Variants in ADCY5 observed in about 807,000 individuals in gnomAD.
The protein encoded by ADCY5 is adenylate cyclase 5, also known as adenylate cyclase type 5.
ADCY5 carries 30 observed loss-of-function variants against 119.7 expected under a neutral mutation model. The ratio of observed to expected loss-of-function variants is 0.25; its 90% CI spans 0.19 to 0.34. The LOEUF (loss-of-function observed/expected upper bound fraction) is 0.34, where lower values mean the gene tolerates loss of function less well. Among genes scored for constraint, ADCY5 ranks in the 10% least tolerant of loss-of-function variants. The pLI, the probability that ADCY5 is intolerant of heterozygous loss-of-function variation, is 1.00. For missense variants in ADCY5, 1,324 were observed against 1,775.2 expected, an observed-to-expected ratio of 0.75 and a Z score of 4.57; for synonymous variants, 753 against 762.2, an observed-to-expected ratio of 0.99 and a Z score of 0.20.
intron 1 of ADCY5, among the ~76,000 whole-genome samples, chr3:123,398,320 C>T (rs1232656479): frequency 6.6e-6 from 1 of 152,104 alleles, no homozygotes; most frequent in Non-Finnish European, 1.5e-5. Context: ...TGAGGGTGCC[C>T]CAACTCGAAC....
intron 1 of ADCY5, among the ~76,000 whole-genome samples, chr3:123,435,851 T>TTTTTTATTA (rs1482102548): frequency 7.9e-5 from 10 of 125,876 alleles, no homozygotes; most frequent in African/African-American, 3.0e-4. Flanking sequence ...CAAGAGCCCT[T>TTTTTTATTA]TTATTATTAT....
At chr3:123,343,185 G>T (rs1942369553) in intron 3 of ADCY5, among the ~76,000 whole-genome samples, 2 of 152,236 alleles carry the variant, frequency 1.3e-5, no homozygotes, top group South Asian at 4.1e-4. Context: ...TCATTGCTTA[G>T]TGTCTTCTCT....
chr3:123,384,598 A>G (rs998459381), intron 1 of ADCY5, among the ~76,000 whole-genome samples: 2 of 152,224 alleles, frequency 1.3e-5, no homozygotes, highest in African/African-American at 4.8e-5. Flanking sequence ...TGACCCCAGA[A>G]CCAAGCTCCA....
intron 19 of ADCY5, among the ~76,000 whole-genome samples, chr3:123,287,520 C>T (rs927613778): frequency 2.0e-5 from 3 of 152,176 alleles, no homozygotes; most frequent in East Asian, 1.9e-4. Context: ...TGTAACCTGC[C>T]GGTCTCGTAC....
intron 1 of ADCY5, chr3:123,416,357 T>A (rs762300316): frequency 2.6e-5 from 40 of 1,517,370 alleles, no homozygotes; most frequent in South Asian, 7.4e-5. Context: ...GAACATTTTG[T>A]CCCCTTGTCT....
At chr3:123,300,818 G>A (rs1939805251) in intron 14 of ADCY5, among the ~76,000 whole-genome samples, 1 of 152,216 alleles carries the variant, frequency 6.6e-6, no homozygotes, top group Non-Finnish European at 1.5e-5. Flanking sequence ...TGCTCTGGTG[G>A]CAAAAGCTGA....
chr3:123,372,222 C>G (rs1943667662), intron 1 of ADCY5, among the ~76,000 whole-genome samples: 2 of 152,146 alleles, frequency 1.3e-5, no homozygotes, highest in African/African-American at 4.8e-5. Context: ...GTAATCCTAG[C>G]TGCCAAAGGA....
chr3:123,380,029 C>G (rs965194147), intron 1 of ADCY5, among the ~76,000 whole-genome samples: 1 of 152,150 alleles, frequency 6.6e-6, no homozygotes, highest in Non-Finnish European at 1.5e-5. Context: ...CCAGACATCT[C>G]TAGGTCTGAT....
chr3:123,342,502 G>A (rs185869961), intron 3 of ADCY5, among the ~76,000 whole-genome samples: 8 of 152,232 alleles, frequency 5.3e-5, no homozygotes, highest in Non-Finnish European at 8.8e-5. Context: ...CCCCTCTGCC[G>A]GGACCCTGGC....
intron 1 of ADCY5, among the ~76,000 whole-genome samples, chr3:123,390,777 G>A (rs1033471118): frequency 2.0e-5 from 3 of 152,302 alleles, no homozygotes; most frequent in South Asian, 2.1e-4. Flanking sequence ...CCTGGGAATG[G>A]ACTCAGCTCC....
chr3:123,358,533 G>C (rs1943125863), intron 1 of ADCY5, among the ~76,000 whole-genome samples: 1 of 152,196 alleles, frequency 6.6e-6, no homozygotes, highest in Non-Finnish European at 1.5e-5. Flanking sequence ...CCAGGAGATA[G>C]AGGCTGCAGT....
intron 1 of ADCY5, among the ~76,000 whole-genome samples, chr3:123,379,813 C>A (rs923096487): frequency 6.6e-6 from 1 of 152,132 alleles, no homozygotes; most frequent in African/African-American, 2.4e-5. Context: ...CAGACTCCAG[C>A]CTAAAAAGGC....
chr3:123,296,362 G>T, intron 16 of ADCY5, 146 bp from the exon 17 acceptor site: 2 of 963,754 alleles, frequency 2.1e-6, no homozygotes, highest in Non-Finnish European at 3.0e-6. Flanking sequence ...AAACTTTGCC[G>T]CACGCGTGCC....
At chr3:123,407,623 C>A (rs1287596882) in intron 1 of ADCY5, among the ~76,000 whole-genome samples, 1 of 143,580 alleles carries the variant, frequency 7.0e-6, no homozygotes, top group Non-Finnish European at 1.5e-5. Context: ...TAGCTGGGCA[C>A]GGTGGTATGC....
Position 123,284,540 on chromosome 3 carries a change from C to T in ADCY5, c.*68G>A, listed in dbSNP as rs1026874006. On this transcript the variant is annotated 3_prime_UTR_variant, in exon 21 of 21. Coordinates refer to ENST00000462833, the MANE Select transcript of ADCY5 (RefSeq NM_183357.3). The stretch of plus-strand genomic sequence containing the variant: ...TGGAGCATGGCTTCCCCGCCACCCC[C>T]GGCACACAGAGAAGCTGCTTCCATG... The T allele has an allele frequency of 2.2e-5, 35 of 1,597,468 alleles. No individual in the cohort carries two copies. In the Middle Eastern group the frequency reaches 6.9e-4, roughly 32 times the overall value.
intron 3 of ADCY5, among the ~76,000 whole-genome samples, chr3:123,338,660 G>A (rs1942137187): frequency 6.6e-6 from 1 of 152,226 alleles, no homozygotes; most frequent in African/African-American, 2.4e-5. Context: ...CACCCTGGCT[G>A]TGCACGCTTC....
At chr3:123,428,143 T>C (rs1042380440) in intron 1 of ADCY5, among the ~76,000 whole-genome samples, 1 of 152,174 alleles carries the variant, frequency 6.6e-6, no homozygotes, top group Admixed American at 6.5e-5. Context: ...TCCAGGTTTG[T>C]AGTACTTTTG....
chr3:123,404,889 T>A (rs1028757737), intron 1 of ADCY5, among the ~76,000 whole-genome samples: 1 of 152,250 alleles, frequency 6.6e-6, no homozygotes, highest in African/African-American at 2.4e-5. Context: ...TTTTATTCTA[T>A]CTATTCAGAC....
chr3:123,285,162 C>G (rs1293975068), intron 20 of ADCY5, among the ~76,000 whole-genome samples: 1 of 152,180 alleles, frequency 6.6e-6, no homozygotes, highest in Non-Finnish European at 1.5e-5. Flanking sequence ...CGTGACAGAT[C>G]AGAACGATTT....
Sources: gnomAD v4.1 joint callset for allele counts (sites outside exome capture counted in the v4.1 genomes callset) on GRCh38, gnomAD v4.1.1 for gene constraint, MANE v1.5 for transcripts, NCBI Gene and HGNC (gene_info 2026-07-23, HGNC 2026-07-21) for gene names.